The following RANBP2 variants were observed in gnomAD, a reference collection of about 807,000 sequenced individuals.
RANBP2 encodes the protein E3 SUMO-protein ligase RanBP2.
A neutral mutation model predicts 303.6 loss-of-function variants in RANBP2; 57 were observed. The observed-to-expected ratio is 0.19, with a 90% CI of 0.15 to 0.23. The LOEUF is 0.23. RANBP2 is among the 10% of genes least tolerant of loss of function. The pLI is 1.00. For missense variants in RANBP2, 3,138 were observed against 3,780.8 expected, an observed-to-expected ratio of 0.83 and a Z score of 4.46; for synonymous variants, 1,167 against 1,301.5, an observed-to-expected ratio of 0.90 and a Z score of 2.23.
chr2:109,443,091 T>C, the RANBP2 span, among the ~76,000 whole-genome samples: 16 of 152,282 alleles, frequency 1.1e-4, no homozygotes, highest in Non-Finnish European at 1.9e-4. Context: ...ACTGAATTTG[T>C]GAATACTGAA....
the RANBP2 span, among the ~76,000 whole-genome samples, chr2:109,079,441 G>T: frequency 6.6e-6 from 1 of 152,270 alleles, no homozygotes; most frequent in South Asian, 2.1e-4. Context: ...ATTTTTTACT[G>T]TTCGGGGAGT....
At chr2:109,461,948 G>A in the RANBP2 span, among the ~76,000 whole-genome samples, 13 of 152,016 alleles carry the variant, frequency 8.6e-5, no homozygotes, top group African/African-American at 7.3e-5. Flanking sequence ...TTTTAACTCT[G>A]GCTATAGGAG....
chr2:109,761,839 T>G, the RANBP2 span, among the ~76,000 whole-genome samples: 1 of 150,968 alleles, frequency 6.6e-6, no homozygotes, highest in Non-Finnish European at 1.5e-5. Context: ...TGAGCTTGTT[T>G]TTTTTTTCCT....
At chr2:109,039,446 G>T in the RANBP2 span, among the ~76,000 whole-genome samples, 1 of 152,226 alleles carries the variant, frequency 6.6e-6, no homozygotes, top group African/African-American at 2.4e-5. Flanking sequence ...CACCTCCTGG[G>T]TTCAAGCAAT....
chr2:109,373,257 A>G, the RANBP2 span, among the ~76,000 whole-genome samples: 2 of 152,230 alleles, frequency 1.3e-5, no homozygotes, highest in African/African-American at 4.8e-5. Flanking sequence ...ACCACTTACA[A>G]TGTCGTCCAG....
chr2:108,763,312 C>G lies in RANBP2; in HGVS notation c.2773C>G (p.Pro925Ala). The change falls in exon 20 of 29, where the codon CCA becomes GCA. Residue 925 changes from proline to alanine, a missense_variant. Pro to Ala is a conservative substitution (Grantham distance 27). Around this residue, in one of 20 missense-constraint regions of RANBP2, gnomAD observed 403 missense variants for 376.7 expected, o/e 1.07. Transcript: ENST00000283195. ...CTATCCGCAACAGATGCACACACCG[C>G]CAGTGCAAAGCTCATCTGCTTGTAT... ...YAYPQQMHTPPVQSSSACMFS... is the reference protein window; with the variant it reads ...YAYPQQMHTPAVQSSSACMFS... The G allele has an allele frequency of 3.7e-6, 6 of 1,613,976 alleles. No individual in the cohort carries two copies. Among genetic ancestry groups the G allele is most frequent in the Non-Finnish European group, 5.1e-6 (6 of 1,179,964 alleles).
chr2:109,043,638 ATG>A, the RANBP2 span, among the ~76,000 whole-genome samples: 1 of 152,166 alleles, frequency 6.6e-6, no homozygotes, highest in African/African-American at 2.4e-5. Context: ...CCTGGCCCGA[ATG>A]TATTTTTAAG....
the RANBP2 span, among the ~76,000 whole-genome samples, chr2:109,427,798 A>G: frequency 6.6e-6 from 1 of 152,218 alleles, no homozygotes; most frequent in African/African-American, 2.4e-5. Flanking sequence ...GGGAGAACCG[A>G]GCAGTTTCTG....
At chr2:109,051,022 C>A in the RANBP2 span, among the ~76,000 whole-genome samples, 249 of 152,320 alleles carry the variant, frequency 1.6e-3, no homozygotes, top group Non-Finnish European at 2.7e-3. Flanking sequence ...GTTCTCCTGT[C>A]ATTGGTCTCT....
chr2:108,985,266 C>A, the RANBP2 span, among the ~76,000 whole-genome samples: 4 of 152,304 alleles, frequency 2.6e-5, no homozygotes, highest in East Asian at 7.7e-4. Flanking sequence ...CACTGCGGGC[C>A]TCAGGGCTGT....
chr2:108,899,185 C>A, the RANBP2 span, among the ~76,000 whole-genome samples: 1 of 151,954 alleles, frequency 6.6e-6, no homozygotes, highest in Non-Finnish European at 1.5e-5. Flanking sequence ...AAAAACAACG[C>A]CTGACCTAGA....
At chr2:108,862,068 A>G in the RANBP2 span, among the ~76,000 whole-genome samples, 4 of 122,478 alleles carry the variant, frequency 3.3e-5, no homozygotes, top group Middle Eastern at 0.017. Flanking sequence ...GATTCTTGGT[A>G]TGATTTCAGT....
At chr2:109,354,405 C>T in the RANBP2 span, among the ~76,000 whole-genome samples, 2 of 152,224 alleles carry the variant, frequency 1.3e-5, no homozygotes, top group African/African-American at 2.4e-5. Flanking sequence ...AGTGGCGCAG[C>T]GTTCATGTGG....
chr2:108,839,820 T>C, the RANBP2 span, among the ~76,000 whole-genome samples: 2 of 152,010 alleles, frequency 1.3e-5, no homozygotes, highest in African/African-American at 4.8e-5. Context: ...GAAAACAGTG[T>C]TGTGTTTTTT....
chr2:108,958,572 C>T, the RANBP2 span, among the ~76,000 whole-genome samples: 3,507 of 152,222 alleles, frequency 0.023, 131 homozygotes, highest in African/African-American at 0.079. Context: ...GGCAGAAGGA[C>T]GGTGGGAGGG....
the RANBP2 span, among the ~76,000 whole-genome samples, chr2:109,408,601 G>A: frequency 3.3e-5 from 5 of 152,206 alleles, no homozygotes; most frequent in African/African-American, 1.2e-4. Flanking sequence ...GCTTCGCTGC[G>A]GCAAGAGAGT....
At chr2:108,994,704 T>C in the RANBP2 span, among the ~76,000 whole-genome samples, 17 of 151,722 alleles carry the variant, frequency 1.1e-4, no homozygotes, top group East Asian at 3.1e-3. Flanking sequence ...TATGGGGTCA[T>C]GGGATTATCA....
the RANBP2 span, chr2:109,614,602 T>A: frequency 6.9e-7 from 1 of 1,454,064 alleles, no homozygotes; most frequent in East Asian, 3.1e-5. Flanking sequence ...GTGCAGCACT[T>A]CAGGGGCGCC....
chr2:109,615,307 T>C, the RANBP2 span: 4 of 1,605,936 alleles, frequency 2.5e-6, no homozygotes, highest in Non-Finnish European at 3.4e-6. Context: ...GCGTGGATGC[T>C]CTCTGCCTCC....
Sources: gnomAD v4.1 joint callset for allele counts (sites outside exome capture counted in the v4.1 genomes callset) on GRCh38, gnomAD v4.1.1 for gene constraint, gnomAD v4.1.1 regional missense constraint, MANE v1.5 for transcripts, NCBI Gene and HGNC (gene_info 2026-07-23, HGNC 2026-07-21) for gene names.